USP32: variants seen among roughly 807,000 people sequenced by gnomAD.
USP32 encodes ubiquitin carboxyl-terminal hydrolase 32.
Under a neutral mutation model 204.8 loss-of-function variants are expected in USP32, and 59 were observed. That is an observed-to-expected ratio of 0.29 (90% CI 0.23 to 0.36). USP32 has a LOEUF of 0.36. Ranked by LOEUF, USP32 falls within the 10% of genes least tolerant of loss-of-function variation. The probability of loss-of-function intolerance (pLI) is 1.00; values close to 1 mark genes in which losing one functional copy is unlikely to be tolerated. For missense variants in USP32, 1,160 were observed against 1,946.4 expected, an observed-to-expected ratio of 0.60 and a Z score of 7.60; for synonymous variants, 517 against 678.4, an observed-to-expected ratio of 0.76 and a Z score of 3.70.
At chr17:60,333,320 C>T (rs1438764941) in intron 2 of USP32, among the ~76,000 whole-genome samples, 3 of 152,166 alleles carry the variant, frequency 2.0e-5, no homozygotes, top group Non-Finnish European at 4.4e-5. Context: ...ATCATAAAGG[C>T]AGGGCATGAT....
rs1321614180 is a variant in USP32, at chr17:60,346,061, T to G, written c.59-453A>C. On this transcript the variant is annotated intron_variant, in intron 1 of 33. Transcript: ENST00000300896. The stretch of plus-strand genomic sequence containing the variant: ...TCTTTTTTGGTTAAATAAAACTCTA[T>G]GACATTTAGTCATAATTCTAATATT... Among the ~76,000 whole-genome samples, 3 of 152,162 alleles carry G rather than the reference T, an allele frequency of 2.0e-5. No individual in the cohort carries two copies. The East Asian group carries it at 5.8e-4, about 29-fold the overall frequency.
At chr17:60,197,410 G>A (rs1427114242) in intron 27 of USP32, among the ~76,000 whole-genome samples, 1 of 151,932 alleles carries the variant, frequency 6.6e-6, no homozygotes, top group Non-Finnish European at 1.5e-5. Context: ...TTTGAGAACA[G>A]CCTGACCAAC....
chr17:60,355,708 C>A (rs151225579), intron 1 of USP32, among the ~76,000 whole-genome samples: 1 of 151,378 alleles, frequency 6.6e-6, no homozygotes, highest in Admixed American at 6.6e-5. Context: ...TGGTGGCACA[C>A]GCCTGTAGTC....
intron 4 of USP32, among the ~76,000 whole-genome samples, chr17:60,293,085 T>C (rs974240966): frequency 3.3e-5 from 5 of 152,242 alleles, no homozygotes; most frequent in African/African-American, 7.2e-5. Context: ...CTTAGTTATC[T>C]GATAGACCTA....
rs1339504054 is a variant in USP32, at chr17:60,265,928, TC to T, written c.927+47del. 2.0e-5 allele frequency: 28 copies of T among 1,390,430 alleles called. No individual in the cohort carries two copies. The Admixed American group carries it at 5.0e-4, about 25-fold the overall frequency. 86.1% of individuals were successfully genotyped at this position (1,390,430 alleles called of 1,614,324 possible). On this transcript the variant is annotated intron_variant, in intron 8 of 33. Transcript: ENST00000300896. Reference sequence around the variant, plus strand: ...TTAAAGAAAATGATTCCCTCCAATTTCCCATTGGAAGTTTATACGCAACAAG... The same window carrying T: ...TTAAAGAAAATGATTCCCTCCAATTTCCATTGGAAGTTTATACGCAACAAG...
intron 9 of USP32, among the ~76,000 whole-genome samples, chr17:60,261,098 G>A (rs907402159): frequency 1.3e-5 from 2 of 152,156 alleles, no homozygotes; most frequent in African/African-American, 4.8e-5. Flanking sequence ...AATGCCAACA[G>A]AGGGAGAAGC....
chr17:60,215,651 T>G (rs1034754448), intron 16 of USP32, among the ~76,000 whole-genome samples: 7 of 152,078 alleles, frequency 4.6e-5, no homozygotes, highest in Non-Finnish European at 1.0e-4. Context: ...GTGGTACAAC[T>G]GCACCAGAAA....
chr17:60,185,310 T>C lies in USP32; in HGVS notation c.3834+150A>G, dbSNP rs1421946580. 4 of 852,246 alleles carry C rather than the reference T, an allele frequency of 4.7e-6. No homozygotes were observed. The African/African-American group carries it at 6.8e-5, about 14-fold the overall frequency. 52.8% of individuals were successfully genotyped at this position (852,246 alleles called of 1,614,324 possible). Reference sequence around the variant, plus strand: ...ATATTTGTAGAAAGATTCATCTCTGTATTCAACATAAAAAGCTTGTACAGA... The same window carrying C: ...ATATTTGTAGAAAGATTCATCTCTGCATTCAACATAAAAAGCTTGTACAGA... On this transcript the variant is annotated intron_variant, in intron 30 of 33. Coordinates refer to ENST00000300896, the MANE Select transcript of USP32 (RefSeq NM_032582.4).
At chr17:60,334,218 T>A (rs1567858243) in intron 2 of USP32, among the ~76,000 whole-genome samples, 1 of 152,182 alleles carries the variant, frequency 6.6e-6, no homozygotes. Flanking sequence ...CAGTTATGGT[T>A]TAATATTGCA....
chr17:60,246,816 C>T lies in USP32; in HGVS notation c.1136+5565G>A, dbSNP rs186596190. On this transcript the variant is annotated intron_variant, in intron 11 of 33. Transcript: ENST00000300896. ...TGTTGAGCATTTTTTCATATATCTG[C>T]TGGCCATTTGTATGTCTTTTTTTGA... Among the ~76,000 whole-genome samples the T allele has an allele frequency of 2.3e-4, 35 of 152,194 alleles. 1 individual carries two copies. The highest frequency in any genetic ancestry group is 7.9e-4 in the African/African-American group (33 of 41,530).
intron 5 of USP32, among the ~76,000 whole-genome samples, chr17:60,284,043 G>C (rs2087040927): frequency 6.6e-6 from 1 of 152,038 alleles, no homozygotes. Flanking sequence ...CAAAGGAGAA[G>C]AGAGTTTGAA....
chr17:60,185,332 C>G, intron 30 of USP32, 128 bp downstream of exon 30: 1 of 1,100,644 alleles, frequency 9.1e-7, no homozygotes, highest in South Asian at 2.2e-5. Flanking sequence ...AAAGCTTGTA[C>G]AGAAAGTGTT....
chr17:60,219,704 A>C lies in USP32; in HGVS notation c.1833T>G (p.Thr611=). Residue 611 remains threonine, a synonymous_variant, in exon 16 of 34, where the codon ACT becomes ACG. Coordinates refer to ENST00000300896, the MANE Select transcript of USP32 (RefSeq NM_032582.4). The part of the protein sequence containing the change: ...YLLFLRQQPA[T]RTQQSNIWVN... ...CCCAGATGTTAGACTGCTGTGTCCG[A>C]GTGGCAGGCTGCTGTCTCAGGAAGA... 8.7e-6 allele frequency: 14 copies of C among 1,612,362 alleles called. No homozygotes were observed. The highest frequency in any genetic ancestry group is 1.2e-5 in the Non-Finnish European group (14 of 1,179,452).
chr17:60,331,770 C>A (rs371875479), intron 2 of USP32, among the ~76,000 whole-genome samples: 62 of 146,846 alleles, frequency 4.2e-4, no homozygotes, highest in African/African-American at 1.5e-3. Context: ...TAGTGGCATG[C>A]ACTTGTAGTC....
chr17:60,355,573 T>G (rs1161922737), intron 1 of USP32, among the ~76,000 whole-genome samples: 1 of 152,072 alleles, frequency 6.6e-6, no homozygotes, highest in South Asian at 2.1e-4. Context: ...GAAAAATGAC[T>G]GAGCTGAGTG....
intron 2 of USP32, among the ~76,000 whole-genome samples, chr17:60,325,655 G>A (rs372216477): frequency 2.0e-5 from 3 of 151,982 alleles, no homozygotes; most frequent in Non-Finnish European, 1.5e-5. Flanking sequence ...GGCCAGGCGC[G>A]GTGGCTCACA....
intron 2 of USP32, among the ~76,000 whole-genome samples, chr17:60,326,058 T>C (rs1180562266): frequency 6.6e-6 from 1 of 152,052 alleles, no homozygotes; most frequent in African/African-American, 2.4e-5. Flanking sequence ...TGGTTGCTTC[T>C]GGAACCCTGA....
intron 17 of USP32, 105 bp from the exon 18 acceptor site, chr17:60,213,767 T>C: frequency 7.5e-7 from 1 of 1,332,222 alleles, no homozygotes; most frequent in South Asian, 1.5e-5. Context: ...TTTGTAGTTA[T>C]ATAACATATC....
chr17:60,371,545 G>A (rs1005264605), intron 1 of USP32, among the ~76,000 whole-genome samples: 1 of 151,712 alleles, frequency 6.6e-6, no homozygotes, highest in South Asian at 2.1e-4. Flanking sequence ...CTCCAGCCTG[G>A]GCAACAGAGC....
Sources: allele counts gnomAD v4.1 joint callset (sites outside exome capture counted in the v4.1 genomes callset), GRCh38; gene constraint gnomAD v4.1.1; transcripts MANE v1.5; gene names NCBI Gene and HGNC (gene_info 2026-07-23, HGNC 2026-07-21).